KLHL5: variants seen among roughly 807,000 people sequenced by gnomAD.
KLHL5 encodes kelch-like protein 5.
In KLHL5, 48 loss-of-function variants were observed where a neutral mutation model predicts 77.7. That is an observed-to-expected ratio of 0.62 (90% CI 0.49 to 0.79). KLHL5 has a LOEUF of 0.79. Among genes scored for constraint, KLHL5 ranks in the 30% least tolerant of loss-of-function variants. The pLI is 0.00. For synonymous variants in KLHL5, 260 were observed against 297.0 expected (o/e 0.88, Z 1.28); for missense variants, 723 against 859.7 (o/e 0.84, Z 1.99).
chr4:39,141,304 C>CTTTTTTTTTTTTTT, the KLHL5 span, among the ~76,000 whole-genome samples: 12 of 75,620 alleles, frequency 1.6e-4, no homozygotes, highest in Non-Finnish European at 2.0e-4. Flanking sequence ...ATTTTTTAGT[C>CTTTTTTTTTTTTTT]TTTTTTTTTT....
At position 39,075,997 on chromosome 4, in the gene KLHL5, G is replaced by C; in HGVS notation, c.416G>C (p.Cys139Ser). The C allele has an allele frequency of 6.2e-7, 1 of 1,611,268 alleles. No homozygotes were observed. The highest frequency in any genetic ancestry group is 1.3e-5 in the African/African-American group (1 of 74,696). Residue 139 changes from cysteine (C) to serine (S), a missense_variant, in exon 2 of 11, where the codon TGT (cysteine) becomes TCT (serine). Transcript: ENST00000504108. ...TSNSSQTLSS[C>S]HTMEPCTSDE... The stretch of plus-strand genomic sequence containing the variant: ...AATAGTAGTCAGACATTATCATCCT[G>C]TCATACTATGGAGCCATGTACATCA...
chr4:39,066,126 C>T (rs537665969), intron 1 of KLHL5, among the ~76,000 whole-genome samples: 9 of 152,330 alleles, frequency 5.9e-5, no homozygotes, highest in African/African-American at 2.2e-4. Context: ...GCTACCTTTT[C>T]TCCATGACAG....
At position 39,068,446 on chromosome 4, in the gene KLHL5, T is replaced by TGTGTGTGC. The variant is rs1718106212; in HGVS notation, c.383+5418_383+5419insCGTGTGTG. The stretch of plus-strand genomic sequence containing the variant: ...CTCTCCCCAGAAAACACTGTGTGTG[T>TGTGTGTGC]GTGTGTGTGTGTGTGTGTGAAATAT... On this transcript the variant is annotated intron_variant, in intron 1 of 10. Transcript: ENST00000504108. 3.3e-5 allele frequency among the ~76,000 whole-genome samples: 5 copies of TGTGTGTGC among 151,576 alleles called. No individual in the cohort carries two copies. In the South Asian group the frequency reaches 1.0e-3, roughly 32 times the overall value.
chr4:39,103,490 T>C lies in KLHL5; in HGVS notation c.1504T>C (p.Ser502Pro). The C allele has an allele frequency of 6.2e-7, 1 of 1,613,992 alleles. No individual in the cohort carries two copies. The highest frequency in any genetic ancestry group is 8.5e-7 in the Non-Finnish European group (1 of 1,179,846). The change falls in exon 7 of 11, where the codon TCC (serine) becomes CCC (proline). Residue 502 changes from serine to proline, a missense_variant. Transcript: ENST00000504108. ...TKTWSVMPPM[S>P]THRHGLGVAV... The stretch of plus-strand genomic sequence containing the variant: ...AACTTGGAGTGTGATGCCACCTATG[T>C]CCACACATAGACATGGCCTTGGTAA...
At chr4:39,058,889 G>A (rs1177377078), upstream of KLHL5, among the ~76,000 whole-genome samples, 1 of 152,000 alleles carries the variant, frequency 6.6e-6, no homozygotes, top group Non-Finnish European at 1.5e-5. Context: ...TTACTTTGTA[G>A]TGAGGATAAA....
chr4:39,095,531 A>G (rs1473974231), intron 5 of KLHL5, among the ~76,000 whole-genome samples: 1 of 152,060 alleles, frequency 6.6e-6, no homozygotes, highest in Non-Finnish European at 1.5e-5. Context: ...TATAAAGGTA[A>G]AAATTAATAC....
chr4:39,051,743 A>G (rs1716666966), intron 1 of KLHL5, among the ~76,000 whole-genome samples: 1 of 152,208 alleles, frequency 6.6e-6, no homozygotes, highest in Non-Finnish European at 1.5e-5. Context: ...ACCAGGTCCC[A>G]CAGGAGCCAG....
At chr4:39,094,915 A>G (rs1259310805) in intron 5 of KLHL5, among the ~76,000 whole-genome samples, 1 of 152,164 alleles carries the variant, frequency 6.6e-6, no homozygotes, top group African/African-American at 2.4e-5. Flanking sequence ...ATCTTGCCAG[A>G]TAATCCAGAA....
chr4:39,097,005 A>G, intron 6 of KLHL5, 127 bp downstream of exon 6: 1 of 731,928 alleles, frequency 1.4e-6, no homozygotes, highest in Non-Finnish European at 2.3e-6. Context: ...AAAGTACCAG[A>G]TAATTGTGTA....
intron 1 of KLHL5, among the ~76,000 whole-genome samples, chr4:39,050,631 T>G (rs1196180907): frequency 6.6e-6 from 1 of 152,244 alleles, no homozygotes; most frequent in Non-Finnish European, 1.5e-5. Flanking sequence ...GCATTGTCTT[T>G]GTAAGCTCTT....
At chr4:39,096,002 G>T (rs1238781605) in intron 5 of KLHL5, among the ~76,000 whole-genome samples, 1 of 151,910 alleles carries the variant, frequency 6.6e-6, no homozygotes, top group African/African-American at 2.4e-5. Context: ...ATGGGGAGGG[G>T]CAATGGAGAA....
rs1430463793 is a variant in KLHL5 at position 39,062,845 on chromosome 4, T to C, written c.193T>C (p.Ser65Pro). 3.7e-6 allele frequency: 6 copies of C among 1,614,160 alleles called. No individual in the cohort carries two copies. The highest frequency in any genetic ancestry group is 5.1e-6 in the Non-Finnish European group (6 of 1,180,016). ...DPCSLQLPLA[S>P]IGYRRSSQLD... Reference sequence around the variant, plus strand: ...ATGTAGCCTACAATTGCCTTTGGCTTCAATTGGTTACCGAAGGTCCAGCCA... The same window carrying C: ...ATGTAGCCTACAATTGCCTTTGGCTCCAATTGGTTACCGAAGGTCCAGCCA... The change falls in exon 1 of 11, where the codon TCA (serine) becomes CCA (proline). Residue 65 changes from serine to proline, a missense_variant. Ser to Pro is a moderately conservative substitution (Grantham distance 74). Around this residue, in one of 3 missense-constraint regions of KLHL5, gnomAD observed 221 missense variants for 222.1 expected, o/e 1.00. Transcript: ENST00000504108.
chr4:39,122,423 T>C lies in KLHL5; in HGVS notation c.*1357T>C, dbSNP rs577932378. ...GAGAAGTTAGCCCCAAGGTTATATA[T>C]TGCAAGTAAGTGGCAGAGCAGGGAT... On this transcript the variant is annotated 3_prime_UTR_variant, in exon 11 of 11. Transcript: ENST00000504108. 3.3e-4 allele frequency among the ~76,000 whole-genome samples: 51 copies of C among 152,298 alleles called. No homozygotes were observed. Among genetic ancestry groups the C allele is most frequent in the Non-Finnish European group, 6.8e-4 (46 of 68,024 alleles).
At chr4:39,097,625 A>G (rs1395091618) in intron 6 of KLHL5, among the ~76,000 whole-genome samples, 1 of 152,232 alleles carries the variant, frequency 6.6e-6, no homozygotes, top group Non-Finnish European at 1.5e-5. Context: ...GAGACAGTCT[A>G]CAAAATAACT....
At chr4:39,051,909 A>G (rs1716682188) in intron 1 of KLHL5, among the ~76,000 whole-genome samples, 1 of 152,156 alleles carries the variant, frequency 6.6e-6, no homozygotes, top group African/African-American at 2.4e-5. Context: ...TTTACTAATC[A>G]CAGGGATCAT....
chr4:39,101,859 AAT>A (rs1553892986), intron 6 of KLHL5, among the ~76,000 whole-genome samples: 49 of 104,756 alleles, frequency 4.7e-4, no homozygotes, highest in African/African-American at 1.2e-3. Context: ...AAAAAAAAAA[AAT>A]ATATATATAT....
chr4:39,108,047 TATC>T (rs1006647977), intron 8 of KLHL5, among the ~76,000 whole-genome samples: 41 of 151,264 alleles, frequency 2.7e-4, no homozygotes, highest in African/African-American at 9.2e-4. Flanking sequence ...AAAAGTATAT[TATC>T]TATATTATGT....
At chr4:39,070,278 T>C (rs1453616666) in intron 1 of KLHL5, among the ~76,000 whole-genome samples, 1 of 152,196 alleles carries the variant, frequency 6.6e-6, no homozygotes, top group Non-Finnish European at 1.5e-5. Flanking sequence ...GAGGTGGGTT[T>C]TATTACCGTA....
Position 39,113,232 on chromosome 4 carries a change from G to C in KLHL5, c.1901G>C (p.Arg634Thr). Residue 634 changes from arginine (R) to threonine (T), a missense_variant and splice_region_variant, in exon 9 of 11, where the codon AGA (arginine) becomes ACA (threonine). By Grantham distance (71) the Arg-to-Thr change is moderately conservative. This residue lies in a region of KLHL5 where 214 missense variants were observed against 237.4 expected (regional missense o/e 0.90). Transcript: ENST00000504108. The stretch of plus-strand genomic sequence containing the variant: ...TCCAGACTCTCAGACTGTGTGGAAA[G>C]GTAATTTCCTGGGAAGAAAAACTAG... The part of the protein sequence containing the change: ...LTSRLSDCVE[R>T]YDPKTDMWTA... The C allele has an allele frequency of 6.2e-7, 1 of 1,608,004 alleles. No individual in the cohort carries two copies.
Sources: allele counts gnomAD v4.1 joint callset (sites outside exome capture counted in the v4.1 genomes callset), GRCh38; gene constraint gnomAD v4.1.1; regional missense constraint gnomAD v4.1.1; transcripts MANE v1.5; gene names NCBI Gene and HGNC (gene_info 2026-07-23, HGNC 2026-07-21).